The following AGTPBP1 variants were observed in gnomAD, a reference collection of about 807,000 sequenced individuals.
The protein encoded by AGTPBP1 is ATP/GTP binding carboxypeptidase 1.
AGTPBP1 carries 70 observed loss-of-function variants against 143.9 expected under a neutral mutation model. The ratio of observed to expected loss-of-function variants is 0.49; its 90% confidence interval spans 0.40 to 0.59. AGTPBP1 has a LOEUF of 0.59. Ranked by LOEUF, AGTPBP1 falls within the 20% of genes least tolerant of loss-of-function variation. The pLI, the probability that AGTPBP1 is intolerant of heterozygous loss-of-function variation, is 0.00. For missense variants in AGTPBP1, 1,229 were observed against 1,464.5 expected, an observed-to-expected ratio of 0.84 and a Z score of 2.62; for synonymous variants, 463 against 500.2, an observed-to-expected ratio of 0.93 and a Z score of 0.99.
chr9:85,632,228 T>C (rs962519706), intron 14 of AGTPBP1, among the ~76,000 whole-genome samples: 8 of 152,204 alleles, frequency 5.3e-5, no homozygotes, highest in Non-Finnish European at 1.0e-4. Context: ...TTTTACTTTT[T>C]AAATGCAAAA....
In AGTPBP1 at chr9:85,585,593, AC is replaced by A; in HGVS notation, c.3034del (p.Val1012PhefsTer50). ...YLAAVKRLPL[V>X]YCDYHGHSRK... ...GGAATGGCCATGATAATCACAATAAACCTTGAAAATATATATTTTAAAAATT... is the reference window on the plus strand; with the variant it reads ...GGAATGGCCATGATAATCACAATAAACTTGAAAATATATATTTTAAAAATT... On this transcript the variant is annotated frameshift_variant and splice_region_variant, in exon 23 of 26. Coordinates refer to ENST00000357081, the MANE Select transcript of AGTPBP1 (RefSeq NM_001330701.2). LOFTEE classifies it high-confidence loss of function. 6.3e-7 allele frequency: 1 copy of A among 1,587,400 alleles called. No individual in the cohort carries two copies. Among genetic ancestry groups the A allele is most frequent in the Non-Finnish European group, 8.5e-7 (1 of 1,170,208 alleles).
chr9:85,724,164 G>A (rs1007028695), intron 1 of AGTPBP1, among the ~76,000 whole-genome samples: 12 of 151,650 alleles, frequency 7.9e-5, no homozygotes, highest in African/African-American at 2.4e-4. Flanking sequence ...GTGAGTACTT[G>A]TAATCCAAGC....
At position 85,597,424 on chromosome 9, in the gene AGTPBP1, A is replaced by C. The variant is rs763555070; in HGVS notation, c.2336-975T>G. Among the ~76,000 whole-genome samples the C allele has an allele frequency of 9.1e-4, 138 of 152,194 alleles. 1 individual carries two copies. Among genetic ancestry groups the C allele is most frequent in the East Asian group, 5.8e-4 (3 of 5,192 alleles). On this transcript the variant is annotated intron_variant, in intron 17 of 25. Coordinates refer to ENST00000357081, the MANE Select transcript of AGTPBP1 (RefSeq NM_001330701.2). Reference sequence around the variant, plus strand: ...CATTTAGATAAATGAAACCTCAAAAAAATTATGCCGAATATAGTGGTAAGA... The same window carrying C: ...CATTTAGATAAATGAAACCTCAAAACAATTATGCCGAATATAGTGGTAAGA...
intron 1 of AGTPBP1, among the ~76,000 whole-genome samples, chr9:85,720,000 A>C (rs1233557604): frequency 6.6e-6 from 1 of 152,198 alleles, no homozygotes; most frequent in African/African-American, 2.4e-5. Context: ...CTTGCATCCC[A>C]GGGATGAAGC....
intron 2 of AGTPBP1, among the ~76,000 whole-genome samples, chr9:85,706,113 T>C (rs1564165882): frequency 6.6e-6 from 1 of 151,592 alleles, no homozygotes; most frequent in African/African-American, 2.4e-5. Context: ...TTCTAGCTAA[T>C]AAGGAGCTAC....
the AGTPBP1 span, chr9:85,781,475 G>A: frequency 2.5e-6 from 3 of 1,220,702 alleles, no homozygotes; most frequent in Admixed American, 3.2e-5. Flanking sequence ...TTTAGGATTA[G>A]ATACTTCTAT....
intron 1 of AGTPBP1, among the ~76,000 whole-genome samples, chr9:85,727,250 C>A (rs908322697): frequency 1.3e-5 from 2 of 152,078 alleles, no homozygotes; most frequent in Non-Finnish European, 2.9e-5. Context: ...TCACTTGAAC[C>A]CAGGAGATGG....
the AGTPBP1 span, among the ~76,000 whole-genome samples, chr9:85,763,527 A>C: frequency 6.6e-6 from 1 of 151,628 alleles, no homozygotes; most frequent in Non-Finnish European, 1.5e-5. Context: ...AAGCATGATC[A>C]TTTCATACTA....
intron 17 of AGTPBP1, among the ~76,000 whole-genome samples, chr9:85,604,868 G>A (rs1035324524): frequency 1.3e-5 from 2 of 152,046 alleles, no homozygotes; most frequent in Non-Finnish European, 2.9e-5. Flanking sequence ...GTGTCTCAGC[G>A]GCAGAATTGA....
chr9:85,554,912 T>C (rs1252322647), intron 25 of AGTPBP1, among the ~76,000 whole-genome samples: 3 of 152,006 alleles, frequency 2.0e-5, no homozygotes, highest in African/African-American at 2.4e-5. Flanking sequence ...AAATGAAAAA[T>C]ATATAACTGA....
At position 85,681,353 on chromosome 9, in the gene AGTPBP1, ATTTTTTTCTCAAACATAAAT is replaced by A. The variant is rs764510197; in HGVS notation, c.158-38_158-19del. On this transcript the variant is annotated intron_variant, in intron 3 of 25. Coordinates refer to ENST00000357081, the MANE Select transcript of AGTPBP1 (RefSeq NM_001330701.2). The stretch of plus-strand genomic sequence containing the variant: ...TGTTTTTTCTGAAAAGTAGCAAACA[ATTTTTTTCTCAAACATAAAT>A]TTTTAAAAGTATGTATAGTTTTGTT... 1.1e-5 allele frequency: 17 copies of A among 1,605,890 alleles called. No homozygotes were observed. Among genetic ancestry groups the A allele is most frequent in the African/African-American group, 2.7e-5 (2 of 74,296 alleles).
At chr9:85,639,354 T>TGC (rs1564092730) in intron 13 of AGTPBP1, among the ~76,000 whole-genome samples, 1 of 130,532 alleles carries the variant, frequency 7.7e-6, no homozygotes, top group Non-Finnish European at 1.6e-5. Flanking sequence ...CACACACCCA[T>TGC]GCGCGCGCAC....
intron 25 of AGTPBP1, 29 bp downstream of exon 25, chr9:85,575,286 T>C (rs777350039): frequency 3.9e-6 from 6 of 1,543,212 alleles, no homozygotes; most frequent in Middle Eastern, 2.2e-4. Context: ...TACTACAATA[T>C]AATAAAAGAA....
At chr9:85,603,489 G>C (rs1003538765) in intron 17 of AGTPBP1, among the ~76,000 whole-genome samples, 4 of 152,146 alleles carry the variant, frequency 2.6e-5, no homozygotes, top group Admixed American at 2.6e-4. Context: ...AGAGCCCTTG[G>C]GCCTTGAATA....
rs757680750 is a variant in AGTPBP1 at position 85,633,035 on chromosome 9, G to C, written c.1642C>G (p.Pro548Ala). 3 of 1,613,950 alleles carry C rather than the reference G, an allele frequency of 1.9e-6. No individual in the cohort carries two copies. Among genetic ancestry groups the C allele is most frequent in the Non-Finnish European group, 2.5e-6 (3 of 1,180,018 alleles). ...TLQNIPSQTA[P>A]GFTAEMKKDC... ...TTCTTCATTTCTGCAGTAAAACCTG[G>C]GGCTGTTTGAGAAGGAATATTCTGC... Residue 548 changes from proline to alanine, a missense_variant, in exon 14 of 26, where the codon CCA becomes GCA. By Grantham distance (27) the Pro-to-Ala change is conservative. This residue lies in a region of AGTPBP1 where 743 missense variants were observed against 812.2 expected (regional missense o/e 0.91). Coordinates refer to ENST00000357081, the MANE Select transcript of AGTPBP1 (RefSeq NM_001330701.2).
intron 1 of AGTPBP1, among the ~76,000 whole-genome samples, chr9:85,729,195 C>G (rs1180298742): frequency 1.3e-5 from 2 of 152,078 alleles, no homozygotes; most frequent in East Asian, 3.8e-4. Context: ...AACTTGATAT[C>G]CACATGCCAA....
chr9:85,789,448 GTTC>G, the AGTPBP1 span, among the ~76,000 whole-genome samples: 2 of 151,510 alleles, frequency 1.3e-5, no homozygotes, highest in Admixed American at 1.3e-4. Context: ...TGTTCATTAC[GTTC>G]TTTTTTCCTC....
intron 11 of AGTPBP1, among the ~76,000 whole-genome samples, chr9:85,651,776 A>G (rs537381788): frequency 1.5e-4 from 23 of 152,362 alleles, no homozygotes; most frequent in African/African-American, 5.3e-4. Context: ...CCATAGATGC[A>G]GCATTTAACA....
chr9:85,619,339 T>C lies in AGTPBP1; in HGVS notation c.2100-38A>G, dbSNP rs756735154. The C allele has an allele frequency of 4.1e-6, 6 of 1,467,544 alleles. No individual in the cohort carries two copies. In the Admixed American group the frequency reaches 9.3e-5, roughly 23 times the overall value. The allele number at this position is 1,467,544 out of a possible 1,614,324, so 90.9% of individuals were successfully genotyped here. On this transcript the variant is annotated intron_variant, in intron 15 of 25. Coordinates refer to ENST00000357081, the MANE Select transcript of AGTPBP1 (RefSeq NM_001330701.2). ...TTTAAAGTAAATGTATTAAAATACA[T>C]TGCATTTAAACAGATGAGCAAAAAG...
Sources: gnomAD v4.1 joint callset for allele counts (sites outside exome capture counted in the v4.1 genomes callset) on GRCh38, gnomAD v4.1.1 for gene constraint, gnomAD v4.1.1 regional missense constraint, MANE v1.5 for transcripts, NCBI Gene and HGNC (gene_info 2026-07-23, HGNC 2026-07-21) for gene names.